TENM2: variants seen among roughly 807,000 people sequenced by gnomAD.
TENM2 encodes the protein teneurin-2.
In TENM2, 52 loss-of-function variants were observed where a neutral mutation model predicts 245.2. The ratio of observed to expected loss-of-function variants is 0.21; its 90% CI spans 0.17 to 0.27. The LOEUF is 0.27. Ranked by LOEUF, TENM2 falls within the 10% of genes least tolerant of loss-of-function variation. The pLI is 1.00. For synonymous variants in TENM2, 1,363 were observed against 1,438.9 expected, an observed-to-expected ratio of 0.95 and a Z score of 1.19; for missense variants, 3,046 against 3,666.8, an observed-to-expected ratio of 0.83 and a Z score of 4.37.
chr5:166,985,683 C>A, the TENM2 span, among the ~76,000 whole-genome samples: 3 of 152,000 alleles, frequency 2.0e-5, no homozygotes, highest in African/African-American at 7.2e-5. Flanking sequence ...TATCCATTGG[C>A]AAATTTACAT....
intron 2 of TENM2, among the ~76,000 whole-genome samples, chr5:167,740,276 A>C (rs1040650869): frequency 2.6e-5 from 4 of 152,178 alleles, no homozygotes; most frequent in Non-Finnish European, 5.9e-5. Flanking sequence ...TGGAAACACA[A>C]ATGCAGAAAC....
intron 5 of TENM2, among the ~76,000 whole-genome samples, chr5:168,021,775 C>CTTTTTTTTT (rs10563117): frequency 7.0e-6 from 1 of 143,426 alleles, no homozygotes. Flanking sequence ...TATTTGAAAT[C>CTTTTTTTTT]TTTTTTTTTT....
the TENM2 span, among the ~76,000 whole-genome samples, chr5:167,274,374 G>T: frequency 6.6e-6 from 1 of 152,018 alleles, no homozygotes; most frequent in East Asian, 1.9e-4. Context: ...TCATGGCATG[G>T]GTATACCATA....
chr5:168,080,560 G>A (rs920617784), intron 7 of TENM2, among the ~76,000 whole-genome samples: 1 of 151,964 alleles, frequency 6.6e-6, no homozygotes, highest in Non-Finnish European at 1.5e-5. Context: ...TTTCTCTTGT[G>A]GGCATTTAGT....
At chr5:167,432,473 T>C (rs1395563708) in intron 2 of TENM2, among the ~76,000 whole-genome samples, 1 of 151,818 alleles carries the variant, frequency 6.6e-6, no homozygotes, top group African/African-American at 2.4e-5. Context: ...TAGTGCCCAA[T>C]TTGTTTCTCT....
At chr5:167,197,014 C>T in the TENM2 span, among the ~76,000 whole-genome samples, 2 of 151,986 alleles carry the variant, frequency 1.3e-5, no homozygotes, top group East Asian at 1.9e-4. Context: ...GGAAGTCAAT[C>T]GATTCTGGGA....
At chr5:167,808,247 A>G (rs1195873735) in intron 2 of TENM2, among the ~76,000 whole-genome samples, 1 of 152,028 alleles carries the variant, frequency 6.6e-6, no homozygotes, top group Non-Finnish European at 1.5e-5. Flanking sequence ...ATGACATGGA[A>G]CTTCTTTTTT....
At chr5:168,263,047 GA>G (rs1768353283), downstream of TENM2, 1 of 481,752 alleles carries the variant, frequency 2.1e-6, no homozygotes, top group Admixed American at 3.6e-5. Context: ...ACAAACGAAT[GA>G]ATGAACAGAC....
chr5:167,165,852 G>A, the TENM2 span, among the ~76,000 whole-genome samples: 4 of 152,112 alleles, frequency 2.6e-5, no homozygotes, highest in Non-Finnish European at 5.9e-5. Context: ...GATTAACAGA[G>A]GAATAAAGTC....
At chr5:168,102,364 C>T (rs554560342) in intron 9 of TENM2, among the ~76,000 whole-genome samples, 69 of 152,318 alleles carry the variant, frequency 4.5e-4, no homozygotes, top group Non-Finnish European at 8.1e-4. Flanking sequence ...TGAGCCACCT[C>T]GCCCAGCGAT....
At chr5:166,991,902 T>C in the TENM2 span, among the ~76,000 whole-genome samples, 9 of 152,194 alleles carry the variant, frequency 5.9e-5, no homozygotes, top group African/African-American at 2.2e-4. Context: ...CTCCAACTTA[T>C]TCATATTCAT....
At chr5:167,582,656 A>G (rs939399140) in intron 2 of TENM2, among the ~76,000 whole-genome samples, 5 of 152,226 alleles carry the variant, frequency 3.3e-5, no homozygotes, top group African/African-American at 9.6e-5. Flanking sequence ...CAAATTTCAG[A>G]TAAATGAACA....
intron 2 of TENM2, among the ~76,000 whole-genome samples, chr5:167,580,843 G>T (rs1011870047): frequency 6.6e-6 from 1 of 152,160 alleles, no homozygotes; most frequent in South Asian, 2.1e-4. Flanking sequence ...ACAAAAATTA[G>T]CCGGGCGTGG....
At chr5:167,585,979 G>A (rs1775462444) in intron 2 of TENM2, among the ~76,000 whole-genome samples, 1 of 152,020 alleles carries the variant, frequency 6.6e-6, no homozygotes, top group South Asian at 2.1e-4. Flanking sequence ...AAAGAAATAA[G>A]CTGGGCATGG....
At chr5:167,909,086 G>A (rs1318451581) in intron 3 of TENM2, among the ~76,000 whole-genome samples, 1 of 106,830 alleles carries the variant, frequency 9.4e-6, no homozygotes, top group Non-Finnish European at 2.0e-5. Flanking sequence ...TTTTTTTTTA[G>A]TAAAAATTGA....
At chr5:167,279,514 T>TTCCCTTCCCTTCCTTCCTTCC in the TENM2 span, among the ~76,000 whole-genome samples, 1 of 98,212 alleles carries the variant, frequency 1.0e-5, no homozygotes, top group African/African-American at 3.7e-5. Context: ...CCTTCCTTCC[T>TTCCCTTCCCTTCCTTCCTTCC]TTCCTTCCTT....
intron 2 of TENM2, among the ~76,000 whole-genome samples, chr5:167,635,879 C>T (rs891481091): frequency 2.0e-5 from 3 of 151,782 alleles, no homozygotes; most frequent in Admixed American, 1.3e-4. Context: ...CTCCTGACCT[C>T]GTGATCCACC....
chr5:167,729,022 T>A (rs1306642461), intron 2 of TENM2: 3 of 152,244 alleles, frequency 2.0e-5, no homozygotes, highest in South Asian at 2.1e-4. Flanking sequence ...CCAATTTCAT[T>A]TTACAGCCTT....
At chr5:167,322,504 CCTTT>C (rs981088167) in intron 1 of TENM2, among the ~76,000 whole-genome samples, 1 of 152,126 alleles carries the variant, frequency 6.6e-6, no homozygotes, top group Non-Finnish European at 1.5e-5. Flanking sequence ...TGTACCTTTT[CCTTT>C]CTTTCTTCTA....
Sources: allele counts gnomAD v4.1 joint callset (sites outside exome capture counted in the v4.1 genomes callset), GRCh38; gene constraint gnomAD v4.1.1; transcripts MANE v1.5; gene names NCBI Gene and HGNC (gene_info 2026-07-23, HGNC 2026-07-21).